MAMLD1: variants seen among roughly 807,000 people sequenced by gnomAD.
MAMLD1 encodes mastermind like domain containing 1.
In MAMLD1, 14 loss-of-function variants were observed where a neutral mutation model predicts 45.0. The ratio of observed to expected loss-of-function variants is 0.31; its 90% CI spans 0.21 to 0.49. The LOEUF is 0.49. Among genes scored for constraint, MAMLD1 ranks in the 20% least tolerant of loss-of-function variants. The probability of loss-of-function intolerance (pLI) is 0.99; values close to 1 mark genes in which losing one functional copy is unlikely to be tolerated. For synonymous variants in MAMLD1, 254 were observed against 247.8 expected (o/e 1.02, Z -0.24); for missense variants, 543 against 603.6 (o/e 0.90, Z 1.05).
intron 3 of MAMLD1, 118 bp from the exon 4 acceptor site, chrX:150,469,625 CTT>C (rs1360260666): frequency 1.3e-5 from 7 of 545,634 alleles, no homozygotes; most frequent in African/African-American, 1.0e-4. Context: ...CTCTCTCTCT[CTT>C]TCTCTCTGTC....
intron 1 of MAMLD1, among the ~76,000 whole-genome samples, chrX:150,439,079 A>G (rs2035212773): frequency 8.9e-6 from 1 of 111,779 alleles, no homozygotes; most frequent in South Asian, 3.7e-4. Flanking sequence ...TTCGGTTGTC[A>G]TTTTTCTGAT....
rs1466806384 is a variant in MAMLD1 at position 150,392,129 on chromosome X, A to G, written c.-64+28599A>G. 2.6e-4 allele frequency among the ~76,000 whole-genome samples: 29 copies of G among 112,189 alleles called. No individual in the cohort carries two copies. The Admixed American group carries it at 2.7e-3, about 11-fold the overall frequency. On this transcript the variant is annotated intron_variant, in intron 1 of 7. Transcript: ENST00000370401. ...CTGATCCATATTGCCTTTTTGCTGC[A>G]AGGTGAAAGAGAAATCTCAAATCCC...
At chrX:150,389,326 C>T (rs1557402121) in intron 1 of MAMLD1, among the ~76,000 whole-genome samples, 1 of 111,929 alleles carries the variant, frequency 8.9e-6, no homozygotes, top group Non-Finnish European at 1.9e-5. Flanking sequence ...GGATTACAGG[C>T]GTGAACCACT....
At chrX:150,479,092 C>T (rs6627559) in intron 5 of MAMLD1, among the ~76,000 whole-genome samples, 11,691 of 110,942 alleles carry the variant, frequency 0.11, 617 homozygotes, top group Non-Finnish European at 0.15. Flanking sequence ...GTTTCTTTTT[C>T]GGTTTCTAAG....
chrX:150,373,452 GCTCT>G (rs1232763008), intron 1 of MAMLD1, among the ~76,000 whole-genome samples: 1 of 100,565 alleles, frequency 9.9e-6, no homozygotes, highest in African/African-American at 3.7e-5. Flanking sequence ...GTTGTGAAGA[GCTCT>G]CTCTCTCTCT....
chrX:150,461,387 G>T (rs782050343), intron 2 of MAMLD1, among the ~76,000 whole-genome samples: 7 of 112,755 alleles, frequency 6.2e-5, no homozygotes, highest in Admixed American at 3.7e-4. Context: ...AGCATTTGGG[G>T]GTTACTGCTT....
intron 4 of MAMLD1, 48 bp from the exon 5 acceptor site, chrX:150,473,632 G>C: frequency 1.7e-6 from 2 of 1,199,132 alleles, no homozygotes; most frequent in Non-Finnish European, 2.3e-6. Context: ...CCTGGGGCTC[G>C]GGCCCTGGTC....
At chrX:150,378,971 A>C (rs1273605265) in intron 1 of MAMLD1, among the ~76,000 whole-genome samples, 1 of 112,176 alleles carries the variant, frequency 8.9e-6, no homozygotes, top group African/African-American at 3.2e-5. Flanking sequence ...TTTAAAAACT[A>C]AGATCTGGGT....
intron 1 of MAMLD1, among the ~76,000 whole-genome samples, chrX:150,395,978 T>C (rs1445732965): frequency 9.8e-6 from 1 of 102,064 alleles, no homozygotes; most frequent in Non-Finnish European, 2.0e-5. Context: ...TTTAATGTGC[T>C]TTTTTTTTTC....
chrX:150,375,299 A>G (rs1557401454), intron 1 of MAMLD1, among the ~76,000 whole-genome samples: 2 of 111,381 alleles, frequency 1.8e-5, no homozygotes, highest in African/African-American at 6.5e-5. Context: ...ACAATAGTGT[A>G]TTTTCAATTC....
chrX:150,432,822 G>A (rs782411381), intron 1 of MAMLD1, among the ~76,000 whole-genome samples: 1 of 112,372 alleles, frequency 8.9e-6, no homozygotes, highest in African/African-American at 3.2e-5. Context: ...CTGTAGCATT[G>A]TAGTACAGTT....
At chrX:150,452,005 A>G (rs1265934499) in intron 2 of MAMLD1, among the ~76,000 whole-genome samples, 2 of 111,680 alleles carry the variant, frequency 1.8e-5, no homozygotes, top group Non-Finnish European at 3.8e-5. Context: ...CACTGCCCTG[A>G]CCCTGAGAGC....
At chrX:150,505,788 G>A (rs1166351158) in intron 6 of MAMLD1, among the ~76,000 whole-genome samples, 3 of 112,622 alleles carry the variant, frequency 2.7e-5, no homozygotes, top group African/African-American at 9.7e-5. Context: ...AAACTTGCCT[G>A]CCATTCATTT....
intron 2 of MAMLD1, among the ~76,000 whole-genome samples, chrX:150,462,461 G>A (rs1352297029): frequency 8.9e-6 from 1 of 111,782 alleles, no homozygotes; most frequent in Non-Finnish European, 1.9e-5. Context: ...CTGGTGACCT[G>A]GTAGTACTCT....
chrX:150,429,836 G>A (rs1327844014), intron 1 of MAMLD1, among the ~76,000 whole-genome samples: 1 of 108,924 alleles, frequency 9.2e-6, no homozygotes, highest in Non-Finnish European at 1.9e-5. Context: ...TTGTTTTTTA[G>A]CTTAGCCACT....
intron 1 of MAMLD1, among the ~76,000 whole-genome samples, chrX:150,383,816 G>T (rs782061819): frequency 2.1e-4 from 23 of 111,405 alleles, no homozygotes; most frequent in Admixed American, 4.8e-4. Flanking sequence ...GGTCTATATG[G>T]ATTTACTTAT....
At chrX:150,410,858 C>T (rs2124534543) in intron 1 of MAMLD1, among the ~76,000 whole-genome samples, 1 of 112,251 alleles carries the variant, frequency 8.9e-6, no homozygotes, top group East Asian at 2.8e-4. Context: ...GACTACACTG[C>T]CTGTCAGGAT....
intron 6 of MAMLD1, chrX:150,509,306 T>C (rs2037833821): frequency 8.8e-6 from 1 of 113,123 alleles, no homozygotes; most frequent in South Asian, 3.7e-4. Context: ...GCCTCAGTCC[T>C]CTTCTCAATG....
chrX:150,434,347 A>G (rs1299520641), intron 1 of MAMLD1, among the ~76,000 whole-genome samples: 1 of 110,673 alleles, frequency 9.0e-6, no homozygotes, highest in African/African-American at 3.3e-5. Flanking sequence ...ATTCTCTGAA[A>G]TAACCAACTT....
Sources: gnomAD v4.1 joint callset for allele counts (sites outside exome capture counted in the v4.1 genomes callset) on GRCh38, gnomAD v4.1.1 for gene constraint, MANE v1.5 for transcripts, NCBI Gene and HGNC (gene_info 2026-07-23, HGNC 2026-07-21) for gene names.